The following PDZD8 variants were observed in gnomAD, a reference collection of about 807,000 sequenced individuals.
The protein encoded by PDZD8 is PDZ domain containing 8.
In PDZD8, 14 loss-of-function variants were observed where a neutral mutation model predicts 85.8. That is an observed-to-expected ratio of 0.16 (90% CI 0.11 to 0.26). The LOEUF (loss-of-function observed/expected upper bound fraction) is 0.26, where lower values mean the gene tolerates loss of function less well. Ranked by LOEUF, PDZD8 falls within the 10% of genes least tolerant of loss-of-function variation. The pLI is 1.00. For missense variants in PDZD8, 1,197 were observed against 1,424.3 expected (o/e 0.84, Z 2.57); for synonymous variants, 592 against 568.6 (o/e 1.04, Z -0.59).
chr10:117,362,945 T>A (rs115162175), intron 1 of PDZD8, among the ~76,000 whole-genome samples: 1 of 152,078 alleles, frequency 6.6e-6, no homozygotes, highest in African/African-American at 2.4e-5. Context: ...CTGGTCTCGA[T>A]TAAAATCCAA....
intron 1 of PDZD8, among the ~76,000 whole-genome samples, chr10:117,344,489 G>A (rs181441): frequency 0.039 from 5,912 of 152,248 alleles, 164 homozygotes; most frequent in South Asian, 0.082. Context: ...CTGGGTTCAC[G>A]CCATTCTCCT....
chr10:117,321,107 T>C (rs773587351), intron 2 of PDZD8, among the ~76,000 whole-genome samples: 9 of 152,158 alleles, frequency 5.9e-5, no homozygotes, highest in Non-Finnish European at 1.2e-4. Context: ...AAAGTTAACA[T>C]AGAGTTAACA....
intron 4 of PDZD8, among the ~76,000 whole-genome samples, chr10:117,288,148 T>C (rs1348968539): frequency 6.6e-6 from 1 of 152,186 alleles, no homozygotes; most frequent in Non-Finnish European, 1.5e-5. Flanking sequence ...GAGGAAACAG[T>C]AAAATGAATT....
intron 4 of PDZD8, chr10:117,285,813 C>T: frequency 1.1e-6 from 1 of 888,724 alleles, no homozygotes; most frequent in Non-Finnish European, 1.4e-6. Context: ...AAGAAGTGAA[C>T]AGAGAGAGAT....
chr10:117,346,021 A>C (rs561884149), intron 1 of PDZD8, among the ~76,000 whole-genome samples: 1 of 152,068 alleles, frequency 6.6e-6, no homozygotes, highest in Non-Finnish European at 1.5e-5. Flanking sequence ...CGGGCAGATC[A>C]CCTGAGGTCA....
At chr10:117,342,680 G>A (rs1844636554) in intron 1 of PDZD8, among the ~76,000 whole-genome samples, 2 of 152,044 alleles carry the variant, frequency 1.3e-5, no homozygotes, top group African/African-American at 4.8e-5. Flanking sequence ...GTTTTGCCAC[G>A]CTGGCCAGAT....
chr10:117,343,971 T>G (rs1844661167), intron 1 of PDZD8, among the ~76,000 whole-genome samples: 1 of 152,242 alleles, frequency 6.6e-6, no homozygotes, highest in Non-Finnish European at 1.5e-5. Context: ...TCACTTTCTT[T>G]TATCTTCCTA....
intron 1 of PDZD8, among the ~76,000 whole-genome samples, chr10:117,369,597 G>A (rs1845154672): frequency 6.6e-6 from 1 of 152,094 alleles, no homozygotes; most frequent in African/African-American, 2.4e-5. Flanking sequence ...CAACAGTAAT[G>A]CTCCCTATTT....
At chr10:117,290,864 CTTTTTTTTTTTTT>C (rs145614241) in intron 3 of PDZD8, among the ~76,000 whole-genome samples, 37 of 123,504 alleles carry the variant, frequency 3.0e-4, no homozygotes, top group Admixed American at 5.0e-4. Flanking sequence ...ATGGTGTATC[CTTTTTTTTTTTTT>C]TTTTTTTTTT....
rs1281699458 is a variant in PDZD8 at position 117,305,493 on chromosome 10, C to T, written c.1098+13379G>A. On this transcript the variant is annotated intron_variant, in intron 3 of 4. Transcript: ENST00000334464. ...ACATACACACACACACACACACACA[C>T]ACACACACACACACACACACACATA... Among the ~76,000 whole-genome samples the T allele has an allele frequency of 3.3e-5, 5 of 150,934 alleles. No individual in the cohort carries two copies. The East Asian group carries it at 9.7e-4, about 29-fold the overall frequency.
Position 117,285,348 on chromosome 10 carries a change from A to C in PDZD8, c.1385T>G (p.Phe462Cys), listed in dbSNP as rs759017207. The part of the protein sequence containing the change: ...SNQGAVLQDN[F>C]GQLEENFLSS... ...CAAAAAGTTTTCTTCCAACTGGCCA[A>C]AGTTATCTTGCAGCACTGCACCTTG... Residue 462 changes from phenylalanine (F) to cysteine (C), a missense_variant, in exon 5 of 5, where the codon TTT becomes TGT. By Grantham distance (205) the Phe-to-Cys change is radical. Transcript: ENST00000334464. The C allele has an allele frequency of 4.3e-6, 7 of 1,613,910 alleles. No homozygotes were observed. The highest frequency in any genetic ancestry group is 1.7e-5 in the Admixed American group (1 of 59,982).
chr10:117,323,017 C>G (rs560552076), intron 2 of PDZD8, among the ~76,000 whole-genome samples: 3 of 152,280 alleles, frequency 2.0e-5, no homozygotes, highest in Non-Finnish European at 4.4e-5. Flanking sequence ...AGCCTTCTGA[C>G]TACACCTGAC....
chr10:117,305,368 GCAC>G (rs1252338532), intron 3 of PDZD8, among the ~76,000 whole-genome samples: 1 of 151,918 alleles, frequency 6.6e-6, no homozygotes, highest in African/African-American at 2.4e-5. Flanking sequence ...AGCAGAGATT[GCAC>G]CACTGCACTC....
intron 1 of PDZD8, among the ~76,000 whole-genome samples, chr10:117,341,615 G>A (rs919341984): frequency 6.6e-6 from 1 of 152,136 alleles, no homozygotes; most frequent in African/African-American, 2.4e-5. Flanking sequence ...ATCATCTCCA[G>A]ATTACTTATA....
At chr10:117,348,828 T>C (rs1439466797) in intron 1 of PDZD8, among the ~76,000 whole-genome samples, 1 of 152,150 alleles carries the variant, frequency 6.6e-6, no homozygotes, top group Non-Finnish European at 1.5e-5. Context: ...CATATGTAAC[T>C]CCAGAGCCTG....
At chr10:117,298,695 T>C (rs1040002371) in intron 3 of PDZD8, among the ~76,000 whole-genome samples, 10 of 152,170 alleles carry the variant, frequency 6.6e-5, no homozygotes, top group African/African-American at 2.2e-4. Flanking sequence ...AGTTAATAAC[T>C]ATTATATTCC....
chr10:117,328,784 GA>G (rs1327637589), intron 2 of PDZD8, among the ~76,000 whole-genome samples: 1 of 152,018 alleles, frequency 6.6e-6, no homozygotes, highest in Non-Finnish European at 1.5e-5. Context: ...CTTAATTCAT[GA>G]ATCATAAATA....
At chr10:117,345,133 A>G (rs940042499) in intron 1 of PDZD8, among the ~76,000 whole-genome samples, 8 of 152,236 alleles carry the variant, frequency 5.3e-5, no homozygotes, top group African/African-American at 1.7e-4. Context: ...GAGGCAAGTC[A>G]GAAAACAGAT....
At position 117,341,025 on chromosome 10, in the gene PDZD8, G is replaced by A. The variant is rs756662160; in HGVS notation, c.950C>T (p.Ala317Val). The change falls in exon 2 of 5, where the codon GCA becomes GTA. Residue 317 changes from alanine to valine, a missense_variant. By Grantham distance (64) the Ala-to-Val change is moderately conservative. This residue lies in a region of PDZD8 where 344 missense variants were observed against 453.6 expected (regional missense o/e 0.76). Coordinates refer to ENST00000334464, the MANE Select transcript of PDZD8 (RefSeq NM_173791.5). ...AACTTTAAGACGGCCTTCAGTAAGTGCCCATTGTTGTATATGGATATGCTC... is the reference window on the plus strand; with the variant it reads ...AACTTTAAGACGGCCTTCAGTAAGTACCCATTGTTGTATATGGATATGCTC... ...DEEHIHIQQW[A>V]LTEGRLKVTL... is the part of the protein sequence containing the mutation. 6.2e-6 allele frequency: 10 copies of A among 1,613,742 alleles called. No homozygotes were observed. Among genetic ancestry groups the A allele is most frequent in the Non-Finnish European group, 8.5e-6 (10 of 1,179,830 alleles).
Sources: allele counts gnomAD v4.1 joint callset (sites outside exome capture counted in the v4.1 genomes callset), GRCh38; gene constraint gnomAD v4.1.1; regional missense constraint gnomAD v4.1.1; transcripts MANE v1.5; gene names NCBI Gene and HGNC (gene_info 2026-07-23, HGNC 2026-07-21).